Variants in TMPRSS4 observed in about 807,000 individuals in gnomAD.
TMPRSS4 encodes the protein transmembrane serine protease 4, also known as transmembrane protease serine 4.
TMPRSS4 carries 45 observed loss-of-function variants against 56.4 expected under a neutral mutation model. The observed-to-expected ratio is 0.80, with a 90% CI of 0.63 to 1.02. The LOEUF (loss-of-function observed/expected upper bound fraction) is 1.02. Ranked by LOEUF, TMPRSS4 falls within the 50% of genes least tolerant of loss-of-function variation. TMPRSS4 has a pLI of 0.00. For synonymous variants in TMPRSS4, 205 were observed against 211.0 expected, an observed-to-expected ratio of 0.97 and a Z score of 0.25; for missense variants, 546 against 556.7, an observed-to-expected ratio of 0.98 and a Z score of 0.19.
At chr11:118,117,156 G>A (rs960555727) in intron 11 of TMPRSS4, 149 bp from the exon 12 acceptor site, 12 of 775,446 alleles carry the variant, frequency 1.5e-5, no homozygotes, top group Non-Finnish European at 2.6e-5. Flanking sequence ...ACCATTCTAG[G>A]GTGCTAATGA....
chr11:118,124,191 C>T (rs1341427862), downstream of TMPRSS4, among the ~76,000 whole-genome samples: 3 of 152,120 alleles, frequency 2.0e-5, no homozygotes, highest in Admixed American at 6.5e-5. Flanking sequence ...TCAAGACCAT[C>T]CTGGCCAACA....
intron 1 of TMPRSS4, among the ~76,000 whole-genome samples, chr11:118,092,065 G>A (rs1946007342): frequency 6.6e-6 from 1 of 152,034 alleles, no homozygotes; most frequent in African/African-American, 2.4e-5. Flanking sequence ...AAAATAAAAT[G>A]TTAAATTTAA....
At position 118,093,215 on chromosome 11, in the gene TMPRSS4, C is replaced by T. The variant is rs187607070; in HGVS notation, c.4-1601C>T. 1.9e-3 allele frequency among the ~76,000 whole-genome samples: 284 copies of T among 152,270 alleles called. 1 individual carries two copies. The highest frequency in any genetic ancestry group is 6.5e-3 in the African/African-American group (271 of 41,548). On this transcript the variant is annotated intron_variant, in intron 1 of 12. Coordinates refer to ENST00000437212, the MANE Select transcript of TMPRSS4 (RefSeq NM_019894.4). ...TATTGCTGTGTCCACCGTGCTTAGC[C>T]GTGGAGCAAGCAACACCCAGGGACC...
Position 118,114,913 on chromosome 11 carries a change from CGAAGCA to C in TMPRSS4, c.999_1004del (p.Lys333_Gln334del). The C allele has an allele frequency of 6.2e-7, 1 of 1,603,006 alleles. No homozygotes were observed. The highest frequency in any genetic ancestry group is 1.7e-4 in the Middle Eastern group (1 of 5,854). ...CTCTGGATCATTGGATGGGGCTTTA[CGAAGCA>C]GAATGGAGGTAAGTCCTGGGTGCAG... On this transcript the variant is annotated inframe_deletion, in exon 10 of 13. Transcript: ENST00000437212.
At chr11:118,096,919 GAAAGGAAAGAAAGAA>G in intron 2 of TMPRSS4, among the ~76,000 whole-genome samples, 1 of 44,836 alleles carries the variant, frequency 2.2e-5, no homozygotes. Context: ...AAGGGAGAGA[GAAAGGAAAGAAAGAA>G]AGAGAAAGAA....
intron 2 of TMPRSS4, among the ~76,000 whole-genome samples, chr11:118,096,951 G>A (rs12225950): frequency 6.6e-5 from 4 of 60,976 alleles, no homozygotes; most frequent in Non-Finnish European, 1.5e-4. Context: ...AGAAAGAAAG[G>A]AAGGAAAGAA....
chr11:118,100,896 C>A (rs911331530), intron 3 of TMPRSS4, among the ~76,000 whole-genome samples: 1 of 152,142 alleles, frequency 6.6e-6, no homozygotes, highest in African/African-American at 2.4e-5. Flanking sequence ...AGGTTGTTAC[C>A]CAGTCCTCCA....
chr11:118,107,523 A>T (rs1246412337), intron 5 of TMPRSS4: 8 of 363,088 alleles, frequency 2.2e-5, no homozygotes, highest in Non-Finnish European at 4.0e-5. Context: ...CTGGATTTGG[A>T]TTCCCCACCC....
intron 3 of TMPRSS4, among the ~76,000 whole-genome samples, chr11:118,102,551 T>C (rs1386208291): frequency 3.9e-5 from 6 of 151,992 alleles, no homozygotes; most frequent in Non-Finnish European, 8.8e-5. Context: ...CTACTAAAAA[T>C]ACAAAAAATT....
chr11:118,103,826 G>A (rs1893318), intron 4 of TMPRSS4, among the ~76,000 whole-genome samples: 118,050 of 152,162 alleles, frequency 0.78, 47,718 homozygotes, highest in Non-Finnish European at 0.9. Flanking sequence ...TGCGTGCTGC[G>A]CCTGGTGGAT....
At chr11:118,115,026 C>T in intron 10 of TMPRSS4, 99 bp downstream of exon 10, 3 of 1,547,072 alleles carry the variant, frequency 1.9e-6, no homozygotes, top group Non-Finnish European at 2.6e-6. Flanking sequence ...CAGAGAAACC[C>T]ATCCTGGAGG....
intron 10 of TMPRSS4, 67 bp downstream of exon 10, chr11:118,114,994 A>G: frequency 6.4e-7 from 1 of 1,551,464 alleles, no homozygotes. Context: ...TTCCAGAAGT[A>G]ATGGGAAGGA....
chr11:118,083,140 A>G (rs1009245356), intron 1 of TMPRSS4, among the ~76,000 whole-genome samples: 7 of 152,160 alleles, frequency 4.6e-5, no homozygotes, highest in Non-Finnish European at 7.3e-5. Flanking sequence ...TGCCACAGAA[A>G]CCTTCACAAT....
chr11:118,109,830 C>T (rs373264945), intron 7 of TMPRSS4, among the ~76,000 whole-genome samples: 22 of 152,154 alleles, frequency 1.4e-4, no homozygotes, highest in African/African-American at 5.3e-4. Flanking sequence ...TCGTATGCCC[C>T]CTACCCCGGC....
At chr11:118,125,292 T>C, downstream of TMPRSS4, 1 of 456,742 alleles carries the variant, frequency 2.2e-6, no homozygotes, top group South Asian at 1.5e-5. Flanking sequence ...CCTTCTTCCC[T>C]AGGATAGAAC....
At position 118,118,263 on chromosome 11, in the gene TMPRSS4, G is replaced by C. The variant is rs1947669790; in HGVS notation, c.*350G>C. On this transcript the variant is annotated 3_prime_UTR_variant, in exon 13 of 13. Coordinates refer to ENST00000437212, the MANE Select transcript of TMPRSS4 (RefSeq NM_019894.4). ...GTCTTGTAAAAGCCCAGATCACTGT[G>C]GGCTGGAGAGGAGAAGGAAAGGGTC... is the stretch of plus-strand genomic sequence containing the variant. The C allele has an allele frequency of 9.2e-6, 11 of 1,191,170 alleles. No individual in the cohort carries two copies. The highest frequency in any genetic ancestry group is 1.1e-5 in the Non-Finnish European group (11 of 958,642). 73.8% of individuals were successfully genotyped at this position (1,191,170 alleles called of 1,614,324 possible).
chr11:118,122,631 A>G (rs188845578), downstream of TMPRSS4, among the ~76,000 whole-genome samples: 7 of 152,374 alleles, frequency 4.6e-5, no homozygotes, highest in East Asian at 1.3e-3. Context: ...CTGCTTTGCC[A>G]TAGAAATCTA....
At chr11:118,090,207 T>G (rs564057699) in intron 1 of TMPRSS4, among the ~76,000 whole-genome samples, 8 of 152,332 alleles carry the variant, frequency 5.3e-5, no homozygotes, top group African/African-American at 1.7e-4. Context: ...TGTCACTGTG[T>G]GAATATACCA....
chr11:118,104,645 C>T (rs1370365019), intron 4 of TMPRSS4, 46 bp from the exon 5 acceptor site: 26 of 1,613,412 alleles, frequency 1.6e-5, no homozygotes, highest in Non-Finnish European at 2.1e-5. Context: ...GGGGATGGGC[C>T]AGTTGGGCCC....
Sources: gnomAD v4.1 joint callset for allele counts (sites outside exome capture counted in the v4.1 genomes callset) on GRCh38, gnomAD v4.1.1 for gene constraint, MANE v1.5 for transcripts, NCBI Gene and HGNC (gene_info 2026-07-23, HGNC 2026-07-21) for gene names.